SPTBN1: variants seen among roughly 807,000 people sequenced by gnomAD.
SPTBN1 encodes spectrin beta, non-erythrocytic 1, also known as spectrin beta chain, non-erythrocytic 1.
Under a neutral mutation model 266.4 loss-of-function variants are expected in SPTBN1, and 32 were observed. The observed-to-expected ratio is 0.12, with a 90% confidence interval of 0.09 to 0.16. The LOEUF is 0.16. SPTBN1 is among the 10% of genes least tolerant of loss of function. The pLI is 1.00. For synonymous variants in SPTBN1, 1,336 were observed against 1,162.2 expected, an observed-to-expected ratio of 1.15 and a Z score of -3.04; for missense variants, 2,296 against 3,067.1, an observed-to-expected ratio of 0.75 and a Z score of 5.94.
At chr2:54,543,179 G>A (rs974345371) in intron 2 of SPTBN1, among the ~76,000 whole-genome samples, 1 of 152,116 alleles carries the variant, frequency 6.6e-6, no homozygotes, top group Non-Finnish European at 1.5e-5. Flanking sequence ...CTGCTCTGTC[G>A]CCTACTAGCT....
chr2:54,570,294 A>G (rs947228074), intron 2 of SPTBN1, among the ~76,000 whole-genome samples: 3 of 152,254 alleles, frequency 2.0e-5, no homozygotes, highest in Admixed American at 2.0e-4. Context: ...TAGCAAATAC[A>G]GTAATCACAG....
chr2:54,634,067 G>T (rs1281937530), intron 17 of SPTBN1, among the ~76,000 whole-genome samples: 35 of 152,212 alleles, frequency 2.3e-4, no homozygotes, highest in Admixed American at 2.2e-3. Flanking sequence ...TAGGGAAAAA[G>T]AATTTCCTTT....
intron 26 of SPTBN1, among the ~76,000 whole-genome samples, chr2:54,652,125 G>A (rs1196553420): frequency 2.6e-5 from 4 of 152,074 alleles, no homozygotes; most frequent in South Asian, 2.1e-4. Flanking sequence ...TTATCAGTAC[G>A]TGATGATTGT....
Position 54,540,572 on chromosome 2 carries a change from G to A in SPTBN1, c.148+14006G>A, listed in dbSNP as rs1671873796. On this transcript the variant is annotated intron_variant, in intron 2 of 35. Coordinates refer to ENST00000356805, the MANE Select transcript of SPTBN1 (RefSeq NM_003128.3). This position sits in a 1 kb window ranked among gnomAD's most constrained non-coding sequence, Gnocchi z 5.6. ...TTCCTTAGGTCACTGGGATGTTTCT[G>A]GAGCTCTTCCCCCTTTGCCTCTTTA... The A allele has an allele frequency of 6.6e-6, 1 of 152,146 alleles. No individual in the cohort carries two copies. Among genetic ancestry groups the A allele is most frequent in the Non-Finnish European group, 1.5e-5 (1 of 68,042 alleles). The allele number at this position is 152,146 out of a possible 1,614,324, so 9.4% of individuals were successfully genotyped here.
chr2:54,550,809 A>G (rs1394416256), intron 2 of SPTBN1, among the ~76,000 whole-genome samples: 1 of 152,234 alleles, frequency 6.6e-6, no homozygotes. Context: ...AAGTCCCTGC[A>G]GAGAAGAAAT....
intron 2 of SPTBN1, among the ~76,000 whole-genome samples, chr2:54,552,489 C>T (rs967853844): frequency 6.7e-6 from 1 of 149,858 alleles, no homozygotes; most frequent in African/African-American, 2.5e-5. Flanking sequence ...GATGGAGTCT[C>T]GCTGTCACCC....
rs972448428 is a variant in SPTBN1, at chr2:54,626,310, C to G, written c.1644+76C>G. 160 of 1,494,656 alleles carry G rather than the reference C, an allele frequency of 1.1e-4. No individual in the cohort carries two copies. Among genetic ancestry groups the G allele is most frequent in the Non-Finnish European group, 1.3e-4 (148 of 1,112,130 alleles). 92.6% of individuals were successfully genotyped at this position (1,494,656 alleles called of 1,614,324 possible). ...TCTTTTCTGTGACTCATTCACTAAA[C>G]CCCTACGTACAGCTGTGTGCCTTGT... On this transcript the variant is annotated intron_variant, in intron 12 of 35. Transcript: ENST00000356805. This position sits in a 1 kb window ranked among gnomAD's most constrained non-coding sequence, Gnocchi z 4.7.
intron 1 of SPTBN1, among the ~76,000 whole-genome samples, chr2:54,497,855 C>T (rs12328732): frequency 0.082 from 12,425 of 152,234 alleles, 932 homozygotes; most frequent in African/African-American, 0.19. Context: ...TCCATAAAAA[C>T]AGGGTTCCAG....
At chr2:54,550,219 C>G (rs2104428462) in intron 2 of SPTBN1, among the ~76,000 whole-genome samples, 1 of 152,314 alleles carries the variant, frequency 6.6e-6, no homozygotes, top group South Asian at 2.1e-4. Context: ...ACTTACGAGG[C>G]AGCTGGCAGG....
At chr2:54,603,986 A>G (rs1053377194) in intron 3 of SPTBN1, among the ~76,000 whole-genome samples, 1 of 152,204 alleles carries the variant, frequency 6.6e-6, no homozygotes, top group Non-Finnish European at 1.5e-5. Context: ...GTAGATTGTT[A>G]TCATACAGCT....
chr2:54,518,626 C>G (rs76655402), intron 1 of SPTBN1, among the ~76,000 whole-genome samples: 53 of 152,220 alleles, frequency 3.5e-4, no homozygotes, highest in Admixed American at 1.2e-3. Context: ...TACACTTTTT[C>G]AAGTCTTTTA....
chr2:54,659,264 G>C lies in SPTBN1; in HGVS notation c.6354G>C (p.Gln2118His), dbSNP rs778322169. The change falls in exon 31 of 36, where the codon CAG becomes CAC. Residue 2118 changes from glutamine (Q) to histidine (H), a missense_variant and splice_region_variant. Gln to His is a conservative substitution (Grantham distance 24). This residue lies in a region of SPTBN1 where 347 missense variants were observed against 368.5 expected (regional missense o/e 0.94). Coordinates refer to ENST00000356805, the MANE Select transcript of SPTBN1 (RefSeq NM_003128.3). ...KVSEEAESQQ[Q>H]WDTSKGEQVS... ...CAGAGGAAGCCGAGTCCCAGCAGCA[G>C]TGGTGAGTCCCAGCAGCTCCAGAGG... 4.3e-6 allele frequency: 7 copies of C among 1,614,020 alleles called. No homozygotes were observed. The highest frequency in any genetic ancestry group is 2.2e-5 in the East Asian group (1 of 44,880).
intron 1 of SPTBN1, among the ~76,000 whole-genome samples, chr2:54,517,728 C>A (rs889012840): frequency 6.6e-6 from 1 of 151,882 alleles, no homozygotes; most frequent in African/African-American, 2.4e-5. Flanking sequence ...TCACTGCAAC[C>A]TCCATCACCC....
chr2:54,514,066 G>A (rs1669991033), intron 1 of SPTBN1, among the ~76,000 whole-genome samples: 2 of 152,180 alleles, frequency 1.3e-5, no homozygotes, highest in African/African-American at 2.4e-5. Context: ...TTTCTATGCA[G>A]CAGATAAAGA....
At position 54,646,224 on chromosome 2, in the gene SPTBN1, C is replaced by T; in HGVS notation, c.4615C>T (p.Pro1539Ser). 1.2e-6 allele frequency: 2 copies of T among 1,612,906 alleles called. No homozygotes were observed. Among genetic ancestry groups the T allele is most frequent in the South Asian group, 2.2e-5 (2 of 90,944 alleles). ...CCAGAAAGAAATCCAGGGGCACCAG[C>T]CTCGCATTGACGACATCTTTGAGAG... ...TLQKEIQGHQPRIDDIFERSQ... is the reference protein window; with the variant it reads ...TLQKEIQGHQSRIDDIFERSQ... Residue 1539 changes from proline to serine, a missense_variant, in exon 23 of 36, where the codon CCT (proline) becomes TCT (serine). Pro to Ser is a moderately conservative substitution (Grantham distance 74). Around this residue, in one of 12 missense-constraint regions of SPTBN1, gnomAD observed 644 missense variants for 745.3 expected, o/e 0.86. Transcript: ENST00000356805. This position sits in a 1 kb window ranked among gnomAD's most constrained non-coding sequence, Gnocchi z 4.4.
rs1678562865 is a variant in SPTBN1 at position 54,629,222 on chromosome 2, G to C, written c.2088G>C (p.Gln696His). ...GCGGCCGCAGTGGCCACTTTGAGCAGGCCATCAAGGAAGGCGAAGACATGA... is the reference window on the plus strand; with the variant it reads ...GCGGCCGCAGTGGCCACTTTGAGCACGCCATCAAGGAAGGCGAAGACATGA... ...EMSGRSGHFE[Q>H]AIKEGEDMIA... The change falls in exon 14 of 36, where the codon CAG becomes CAC. Residue 696 changes from glutamine to histidine, a missense_variant. By Grantham distance (24) the Gln-to-His change is conservative (BLOSUM62 0). Coordinates refer to ENST00000356805, the MANE Select transcript of SPTBN1 (RefSeq NM_003128.3). 6.2e-7 allele frequency: 1 copy of C among 1,613,704 alleles called. No homozygotes were observed. The highest frequency in any genetic ancestry group is 1.1e-5 in the South Asian group (1 of 91,092).
intron 1 of SPTBN1, among the ~76,000 whole-genome samples, chr2:54,512,876 G>T (rs938406096): frequency 6.6e-6 from 1 of 152,158 alleles, no homozygotes; most frequent in African/African-American, 2.4e-5. Flanking sequence ...TATGGCTTAG[G>T]TGCCATGCTG....
At chr2:54,616,524 A>G (rs943480511) in intron 5 of SPTBN1, among the ~76,000 whole-genome samples, 1 of 152,194 alleles carries the variant, frequency 6.6e-6, no homozygotes, top group African/African-American at 2.4e-5. Context: ...CCTTCTCTTT[A>G]TTAAGGAAGC....
intron 1 of SPTBN1, among the ~76,000 whole-genome samples, chr2:54,459,694 C>T (rs1391291185): frequency 6.6e-6 from 1 of 152,088 alleles, no homozygotes; most frequent in Admixed American, 6.6e-5. Flanking sequence ...TTAATGGCAG[C>T]CGTAGTTTCT....
Sources: allele counts gnomAD v4.1 joint callset (sites outside exome capture counted in the v4.1 genomes callset), GRCh38; gene constraint gnomAD v4.1.1; regional missense constraint gnomAD v4.1.1; non-coding constraint Gnocchi (gnomAD v3.1); transcripts MANE v1.5; gene names NCBI Gene and HGNC (gene_info 2026-07-23, HGNC 2026-07-21).